The following TLL1 variants were observed in gnomAD, a reference collection of about 807,000 sequenced individuals.
TLL1 encodes the protein tolloid-like protein 1.
In TLL1, 49 loss-of-function variants were observed where a neutral mutation model predicts 128.2. The observed-to-expected ratio is 0.38, with a 90% CI of 0.30 to 0.48. The LOEUF (loss-of-function observed/expected upper bound fraction) is 0.48, where lower values mean the gene tolerates loss of function less well. TLL1 is among the 20% of genes least tolerant of loss of function. TLL1 has a pLI of 0.96. For missense variants in TLL1, 1,123 were observed against 1,242.0 expected, an observed-to-expected ratio of 0.90 and a Z score of 1.44; for synonymous variants, 454 against 418.8, an observed-to-expected ratio of 1.08 and a Z score of -1.03.
Position 165,938,780 on chromosome 4 carries a change from CT to C in TLL1, c.170-50587del, listed in dbSNP as rs11383521. Among the ~76,000 whole-genome samples the C allele has an allele frequency of 8.6e-3, 1,215 of 141,164 alleles. 8 individuals carry two copies. Among genetic ancestry groups the C allele is most frequent in the African/African-American group, 0.018 (715 of 38,874 alleles). The allele number at this position is 141,164 out of a possible 152,430, so 92.6% of individuals were successfully genotyped here. On this transcript the variant is annotated intron_variant, in intron 1 of 20. Coordinates refer to ENST00000061240, the MANE Select transcript of TLL1 (RefSeq NM_012464.5). ...TGTTCCTAGAATTTCTCCTTAAAAT[CT>C]TTTTTTTTTTTTTGTACTCCTTTCT...
chr4:166,052,041 T>C (rs567159800), intron 12 of TLL1, among the ~76,000 whole-genome samples: 139 of 152,224 alleles, frequency 9.1e-4, no homozygotes, highest in African/African-American at 3.0e-3. Flanking sequence ...AAGTGAATGA[T>C]TGTATATCTA....
chr4:166,058,070 G>A (rs113324759), intron 14 of TLL1, among the ~76,000 whole-genome samples: 6,236 of 152,062 alleles, frequency 0.041, 183 homozygotes, highest in Non-Finnish European at 0.065. Flanking sequence ...AGGCCACTGT[G>A]TTTGTACATA....
At chr4:165,927,178 C>T (rs1733312513) in intron 1 of TLL1, among the ~76,000 whole-genome samples, 1 of 151,998 alleles carries the variant, frequency 6.6e-6, no homozygotes, top group Non-Finnish European at 1.5e-5. Context: ...TACCATAAAA[C>T]AATAGATAGT....
intron 1 of TLL1, among the ~76,000 whole-genome samples, chr4:165,884,916 A>G (rs1032013559): frequency 6.6e-6 from 1 of 152,168 alleles, no homozygotes; most frequent in Non-Finnish European, 1.5e-5. Flanking sequence ...TATTTGGTAG[A>G]GCACAATTCT....
intron 1 of TLL1, among the ~76,000 whole-genome samples, chr4:165,947,261 A>G (rs6821077): frequency 0.02 from 3,078 of 152,076 alleles, 95 homozygotes; most frequent in African/African-American, 0.07. Flanking sequence ...TGCTAATCCT[A>G]TCAAATCAAG....
intron 1 of TLL1, among the ~76,000 whole-genome samples, chr4:165,889,409 T>C (rs1579444959): frequency 6.6e-6 from 1 of 152,374 alleles, no homozygotes; most frequent in East Asian, 1.9e-4. Context: ...CAGAAGTTTT[T>C]TGAATTATTT....
intron 8 of TLL1, among the ~76,000 whole-genome samples, chr4:166,019,282 A>G (rs1172687044): frequency 6.6e-6 from 1 of 152,178 alleles, no homozygotes. Context: ...ACATGGAAAC[A>G]ATAGACACTG....
In TLL1 at chr4:166,078,004, G is replaced by A. The variant is rs771893166; in HGVS notation, c.2416G>A (p.Ala806Thr). The change falls in exon 18 of 21, where the codon GCC becomes ACC. Residue 806 changes from alanine (A) to threonine (T), a missense_variant. Ala to Thr is a moderately conservative substitution (Grantham distance 58). This residue lies in a region of TLL1 where 634 missense variants were observed against 672.4 expected (regional missense o/e 0.94). Coordinates refer to ENST00000061240, the MANE Select transcript of TLL1 (RefSeq NM_012464.5). The stretch of plus-strand genomic sequence containing the variant: ...GAAAGAATGCACTTGGGAAATCAGC[G>A]CCACTCCTGGCCACCGAATCAAATT... ...SRKECTWEIS[A>T]TPGHRIKLAF... The A allele has an allele frequency of 4.0e-5, 64 of 1,613,468 alleles. 1 individual carries two copies. Among genetic ancestry groups the A allele is most frequent in the South Asian group, 1.1e-4 (10 of 91,076 alleles).
At chr4:165,981,902 T>A (rs950685804) in intron 1 of TLL1, among the ~76,000 whole-genome samples, 2 of 152,046 alleles carry the variant, frequency 1.3e-5, no homozygotes, top group Non-Finnish European at 2.9e-5. Flanking sequence ...AAGAAAAGAA[T>A]CATCTATTTC....
At chr4:166,031,555 A>T (rs1322960311) in intron 9 of TLL1, among the ~76,000 whole-genome samples, 2 of 151,884 alleles carry the variant, frequency 1.3e-5, no homozygotes, top group Non-Finnish European at 2.9e-5. Context: ...TTTAGTAGGG[A>T]CAGGGTTTCA....
intron 1 of TLL1, among the ~76,000 whole-genome samples, chr4:165,961,715 G>A (rs141504993): frequency 6.6e-6 from 1 of 152,214 alleles, no homozygotes; most frequent in East Asian, 1.9e-4. Context: ...AATAAGCAGA[G>A]GGGAAAGGAC....
chr4:165,965,933 C>T (rs1367304752), intron 1 of TLL1, among the ~76,000 whole-genome samples: 1 of 152,120 alleles, frequency 6.6e-6, no homozygotes, highest in African/African-American at 2.4e-5. Context: ...GTAATCCCAG[C>T]ACTTTGGGAG....
At chr4:166,093,413 C>T (rs1035983103) in intron 19 of TLL1, among the ~76,000 whole-genome samples, 1 of 152,158 alleles carries the variant, frequency 6.6e-6, no homozygotes, top group East Asian at 1.9e-4. Flanking sequence ...TGTTTCTCTC[C>T]GCCCAAACAT....
intron 1 of TLL1, among the ~76,000 whole-genome samples, chr4:165,939,612 T>C (rs1733912395): frequency 6.6e-6 from 1 of 152,204 alleles, no homozygotes; most frequent in African/African-American, 2.4e-5. Flanking sequence ...TCTAGAGTTC[T>C]ACAGGGCAAA....
intron 2 of TLL1, 58 bp downstream of exon 2, chr4:165,989,549 G>C (rs1736539817): frequency 1.6e-6 from 2 of 1,246,130 alleles, no homozygotes; most frequent in Non-Finnish European, 2.4e-6. Context: ...TACTCTTGAA[G>C]TGCTATAAAT....
chr4:166,076,735 G>A (rs1431226993), intron 17 of TLL1, among the ~76,000 whole-genome samples: 1 of 152,160 alleles, frequency 6.6e-6, no homozygotes, highest in Non-Finnish European at 1.5e-5. Context: ...CCCTTGTCAT[G>A]ACTGGATCCA....
intron 1 of TLL1, among the ~76,000 whole-genome samples, chr4:165,951,293 G>A (rs1734503043): frequency 6.6e-6 from 1 of 152,102 alleles, no homozygotes; most frequent in Admixed American, 6.6e-5. Context: ...CAGGAGGGTT[G>A]GGATTAGAGT....
chr4:165,944,883 T>C (rs1734174317), intron 1 of TLL1, among the ~76,000 whole-genome samples: 1 of 152,090 alleles, frequency 6.6e-6, no homozygotes, highest in Non-Finnish European at 1.5e-5. Context: ...GACATCCAAG[T>C]AGAGATATCA....
At chr4:165,984,177 T>G (rs527577640) in intron 1 of TLL1, among the ~76,000 whole-genome samples, 1 of 152,048 alleles carries the variant, frequency 6.6e-6, no homozygotes, top group Admixed American at 6.6e-5. Context: ...TGTCTTTTTC[T>G]GAAGAATGTT....
Sources: allele counts gnomAD v4.1 joint callset (sites outside exome capture counted in the v4.1 genomes callset), GRCh38; gene constraint gnomAD v4.1.1; regional missense constraint gnomAD v4.1.1; transcripts MANE v1.5; gene names NCBI Gene and HGNC (gene_info 2026-07-23, HGNC 2026-07-21).